ZFP41: variants seen among roughly 807,000 people sequenced by gnomAD.
ZFP41 encodes ZFP41 zinc finger protein.
Under a neutral mutation model 11.6 loss-of-function variants are expected in ZFP41, and 10 were observed. That is an observed-to-expected ratio of 0.86 (90% CI 0.53 to 1.47). The LOEUF (loss-of-function observed/expected upper bound fraction) is 1.47, where lower values mean the gene tolerates loss of function less well. Ranked by LOEUF, ZFP41 falls within the 40% of genes most tolerant of loss-of-function variation. The pLI is 0.00. For synonymous variants in ZFP41, 123 were observed against 100.9 expected, an observed-to-expected ratio of 1.22 and a Z score of -1.31; for missense variants, 302 against 264.6, an observed-to-expected ratio of 1.14 and a Z score of -0.98.
At position 143,250,426 on chromosome 8, in the gene ZFP41, CG is replaced by C; in HGVS notation, c.585del (p.Lys196ArgfsTer78). On this transcript the variant is annotated frameshift_variant, in exon 2 of 3. Transcript: ENST00000330701. LOFTEE classifies it high-confidence loss of function. Reference protein sequence around the residue: ...CLIRHQKRHPRKKP With the variant: ...CLIRHQKRHPXKKP ...CATCCGCCATCAGAAACGCCACCCT[CG>C]GAAGAAGCCCTGAGCCGGGGCCATC... 6.2e-7 allele frequency: 1 copy of C among 1,610,666 alleles called. No homozygotes were observed.
intron 2 of ZFP41, among the ~76,000 whole-genome samples, chr8:143,258,602 G>A (rs946118754): frequency 6.6e-6 from 1 of 152,302 alleles, no homozygotes; most frequent in Middle Eastern, 3.4e-3. Flanking sequence ...TTCAGAATAT[G>A]TGCAGCATTC....
rs1196968973 is a variant in ZFP41 at position 143,260,333 on chromosome 8, G to C, written c.*1459G>C. 6.5e-6 allele frequency: 1 copy of C among 154,216 alleles called. No individual in the cohort carries two copies. Among genetic ancestry groups the C allele is most frequent in the African/African-American group, 2.4e-5 (1 of 41,470 alleles). The allele number at this position is 154,216 out of a possible 1,614,324, so 9.6% of individuals were successfully genotyped here. On this transcript the variant is annotated 3_prime_UTR_variant, in exon 3 of 3. Coordinates refer to ENST00000330701, the MANE Select transcript of ZFP41 (RefSeq NM_173832.6). ...GCAACTTTACACCCCAGTGTTCACT[G>C]TCCTCAGGCCACTGCAGAGCCATCC...
In ZFP41 at chr8:143,249,716, T is replaced by G. The variant is rs117793106; in HGVS notation, c.-128T>G. On this transcript the variant is annotated 5_prime_UTR_variant, in exon 2 of 3. Coordinates refer to ENST00000330701, the MANE Select transcript of ZFP41 (RefSeq NM_173832.6). Reference sequence around the variant, plus strand: ...ACCAAGAGGATGGTGGCCCTTGGCCTCCTGGTGCAGAGCATCAGTCCCACG... The same window carrying G: ...ACCAAGAGGATGGTGGCCCTTGGCCGCCTGGTGCAGAGCATCAGTCCCACG... The G allele has an allele frequency of 2.0e-4, 289 of 1,418,370 alleles. No homozygotes were observed. Among genetic ancestry groups the G allele is most frequent in the Non-Finnish European group, 2.6e-4 (283 of 1,077,760 alleles). 87.9% of individuals were successfully genotyped at this position (1,418,370 alleles called of 1,614,324 possible).
chr8:143,256,325 G>T (rs1586716307), intron 2 of ZFP41, among the ~76,000 whole-genome samples: 1 of 108,852 alleles, frequency 9.2e-6, no homozygotes, highest in Admixed American at 8.6e-5. Context: ...GCTGGTGTTA[G>T]TGAGATCAGG....
chr8:143,250,342 G>C lies in ZFP41; in HGVS notation c.499G>C (p.Gly167Arg), dbSNP rs371461508. 1 of 1,614,004 alleles carries C rather than the reference G, an allele frequency of 6.2e-7. No individual in the cohort carries two copies. Among genetic ancestry groups the C allele is most frequent in the Non-Finnish European group, 8.5e-7 (1 of 1,180,020 alleles). The change falls in exon 2 of 3, where the codon GGG (glycine) becomes CGG (arginine). Residue 167 changes from glycine to arginine, a missense_variant. Gly to Arg is a moderately radical substitution (Grantham distance 125). Transcript: ENST00000330701. ...CCTGAAACATCAGAAGACGCACACC[G>C]GGGAGAAGCCCTACGAATGCACGCA... Reference protein sequence around the residue: ...NLLKHQKTHTGEKPYECTHCG... With the variant: ...NLLKHQKTHTREKPYECTHCG...
rs1815023282 is a variant in ZFP41, at chr8:143,260,916, A to T, written c.*2042A>T. 6.4e-6 allele frequency: 1 copy of T among 156,430 alleles called. No homozygotes were observed. The highest frequency in any genetic ancestry group is 1.4e-5 in the Non-Finnish European group (1 of 70,764). 9.7% of individuals were successfully genotyped at this position (156,430 alleles called of 1,614,324 possible). A position where few individuals can be genotyped will look rare whatever the true frequency, so the allele number is the denominator to read the frequency against. On this transcript the variant is annotated 3_prime_UTR_variant, in exon 3 of 3. Coordinates refer to ENST00000330701, the MANE Select transcript of ZFP41 (RefSeq NM_173832.6). ...GCTCTGCTGCAGGGACCTGCCATGG[A>T]GTGTCCCTTGTGCGAGCATTTTGAG...
rs185399291 is a variant in ZFP41, at chr8:143,249,979, C to G, written c.136C>G (p.Pro46Ala). 3 of 1,614,118 alleles carry G rather than the reference C, an allele frequency of 1.9e-6. No homozygotes were observed. The Admixed American group carries it at 5.0e-5, about 27-fold the overall frequency. The part of the protein sequence containing the change: ...PPERPTVPRK[P>A]RTEPCLSPED... ...TGAGAGGCCCACTGTGCCCAGGAAGCCCCGCACAGAGCCCTGCCTGAGTCC... is the reference window on the plus strand; with the variant it reads ...TGAGAGGCCCACTGTGCCCAGGAAGGCCCGCACAGAGCCCTGCCTGAGTCC... Residue 46 changes from proline (P) to alanine (A), a missense_variant, in exon 2 of 3, where the codon CCC (proline) becomes GCC (alanine). By Grantham distance (27) the Pro-to-Ala change is conservative. Coordinates refer to ENST00000330701, the MANE Select transcript of ZFP41 (RefSeq NM_173832.6).
At chr8:143,252,722 G>A in intron 2 of ZFP41, 1 of 794,216 alleles carries the variant, frequency 1.3e-6, no homozygotes, top group Non-Finnish European at 1.5e-6. Context: ...GCGTGTGCTG[G>A]GGAGGCCAGT....
In ZFP41 at chr8:143,250,126, A is replaced by G. The variant is rs1354697557; in HGVS notation, c.283A>G (p.Ile95Val). ...KPYECSECGR[I>V]FKHKTDHIRH... ...CTATGAGTGCAGTGAGTGTGGGCGGATCTTTAAGCACAAGACAGACCACAT... is the reference window on the plus strand; with the variant it reads ...CTATGAGTGCAGTGAGTGTGGGCGGGTCTTTAAGCACAAGACAGACCACAT... The change falls in exon 2 of 3, where the codon ATC becomes GTC. Residue 95 changes from isoleucine (I) to valine (V), a missense_variant. Transcript: ENST00000330701. 6.2e-7 allele frequency: 1 copy of G among 1,614,130 alleles called. No homozygotes were observed.
intron 1 of ZFP41, among the ~76,000 whole-genome samples, chr8:143,247,979 C>G (rs1219490422): frequency 6.6e-6 from 1 of 152,144 alleles, no homozygotes; most frequent in East Asian, 1.9e-4. Flanking sequence ...GCCACCACGC[C>G]CAGCTAATTT....
In ZFP41 at chr8:143,251,330, C is replaced by G. The variant is rs564861032; in HGVS notation, c.*890C>G. On this transcript the variant is annotated 3_prime_UTR_variant, in exon 2 of 3. Transcript: ENST00000330701. ...GTGGGCCCCAGCCCCACAGACCAGC[C>G]CAGCATTCAGGTTAGTTCTACTTCT... The G allele has an allele frequency of 6.6e-5, 11 of 165,880 alleles. No homozygotes were observed. Among genetic ancestry groups the G allele is most frequent in the African/African-American group, 2.6e-4 (11 of 41,604 alleles). 10.3% of individuals were successfully genotyped at this position (165,880 alleles called of 1,614,324 possible).
chr8:143,251,679 A>G (rs1173362950), intron 2 of ZFP41, among the ~76,000 whole-genome samples: 1 of 152,188 alleles, frequency 6.6e-6, no homozygotes, highest in African/African-American at 2.4e-5. Flanking sequence ...ACTAGGGTAC[A>G]CTGCCCGGAT....
Position 143,260,812 on chromosome 8 carries a change from G to T in ZFP41, c.*1938G>T, listed in dbSNP as rs1815021008. 5.6e-6 allele frequency: 1 copy of T among 177,740 alleles called. No homozygotes were observed. The highest frequency in any genetic ancestry group is 2.4e-5 in the African/African-American group (1 of 41,614). 11.0% of individuals were successfully genotyped at this position (177,740 alleles called of 1,614,324 possible). A position where few individuals can be genotyped will look rare whatever the true frequency, so the allele number is the denominator to read the frequency against. On this transcript the variant is annotated 3_prime_UTR_variant, in exon 3 of 3. Transcript: ENST00000330701. ...CCCACTCAGCTGCCCTGACCAGCGG[G>T]CACCATCCTCCCAGCCTCACTCGGC...
At position 143,257,574 on chromosome 8, in the gene ZFP41, C is replaced by T. The variant is rs571523691; in HGVS notation, c.*901-2201C>T. Among the ~76,000 whole-genome samples, 9 of 152,270 alleles carry T rather than the reference C, an allele frequency of 5.9e-5. No homozygotes were observed. The South Asian group carries it at 1.9e-3, about 32-fold the overall frequency. ...ATGGAAACAGACACCATTGAGAGGA[C>T]AAAAGAGCTAAGAGTTGGTTCTTTG... On this transcript the variant is annotated intron_variant, in intron 2 of 2. Coordinates refer to ENST00000330701, the MANE Select transcript of ZFP41 (RefSeq NM_173832.6).
At chr8:143,252,855 C>A (rs57520654) in intron 2 of ZFP41, 4,578 of 154,134 alleles carry the variant, frequency 0.03, 235 homozygotes, top group African/African-American at 0.11. Flanking sequence ...CTGGATGCCG[C>A]CGGCGGACCA....
intron 2 of ZFP41, among the ~76,000 whole-genome samples, chr8:143,258,348 T>A (rs1349583864): frequency 6.6e-6 from 1 of 152,132 alleles, no homozygotes; most frequent in Non-Finnish European, 1.5e-5. Flanking sequence ...CCTCCTGAAA[T>A]CTTCCCTGTA....
chr8:143,250,444 G>A lies in ZFP41; in HGVS notation c.*4G>A, dbSNP rs181076222. ...CCACCCTCGGAAGAAGCCCTGAGCC[G>A]GGGCCATCTGCGGACTCGGGCCCTG... On this transcript the variant is annotated 3_prime_UTR_variant, in exon 2 of 3. Transcript: ENST00000330701. 7.1e-5 allele frequency: 114 copies of A among 1,606,410 alleles called. No individual in the cohort carries two copies. The East Asian group carries it at 1.3e-3, about 18-fold the overall frequency.
rs141552501 is a variant in ZFP41, at chr8:143,250,155, C to T, written c.312C>T (p.Arg104=). The change falls in exon 2 of 3, where the codon CGC becomes CGT. Residue 104 remains arginine (R), a synonymous_variant. Coordinates refer to ENST00000330701, the MANE Select transcript of ZFP41 (RefSeq NM_173832.6). The part of the protein sequence containing the change: ...RIFKHKTDHI[R]HQRVHTGEKP... ...TTAAGCACAAGACAGACCACATTCGCCATCAGAGGGTCCACACTGGAGAGA... is the reference window on the plus strand; with the variant it reads ...TTAAGCACAAGACAGACCACATTCGTCATCAGAGGGTCCACACTGGAGAGA... 187 of 1,614,158 alleles carry T rather than the reference C, an allele frequency of 1.2e-4. 2 individuals carry two copies. In the East Asian group the frequency reaches 4.0e-3, roughly 35 times the overall value.
chr8:143,250,018 C>T lies in ZFP41; in HGVS notation c.175C>T (p.His59Tyr), dbSNP rs1462370905. The T allele has an allele frequency of 1.2e-6, 2 of 1,614,054 alleles. No homozygotes were observed. The highest frequency in any genetic ancestry group is 1.1e-5 in the South Asian group (1 of 91,090). Residue 59 changes from histidine to tyrosine, a missense_variant, in exon 2 of 3, where the codon CAC becomes TAC. Physicochemically the swap from His to Tyr is moderately conservative, Grantham distance 83 (BLOSUM62 2). Coordinates refer to ENST00000330701, the MANE Select transcript of ZFP41 (RefSeq NM_173832.6). ...CTGCCTGAGTCCTGAAGACGAAGAG[C>T]ACGTCTTTGATGCCTTCGACGCTTC... ...EPCLSPEDEEHVFDAFDASFK... is the reference protein window; with the variant it reads ...EPCLSPEDEEYVFDAFDASFK...
Sources: allele counts gnomAD v4.1 joint callset (sites outside exome capture counted in the v4.1 genomes callset), GRCh38; gene constraint gnomAD v4.1.1; transcripts MANE v1.5; gene names NCBI Gene and HGNC (gene_info 2026-07-23, HGNC 2026-07-21).